Variants in ANK1 observed in about 807,000 individuals in gnomAD.
ANK1 encodes the protein ankyrin-1.
Under a neutral mutation model 210.4 loss-of-function variants are expected in ANK1, and 51 were observed. That is an observed-to-expected ratio of 0.24 (90% confidence interval 0.19 to 0.31). The LOEUF (loss-of-function observed/expected upper bound fraction) is 0.31. Among genes scored for constraint, ANK1 ranks in the 10% least tolerant of loss-of-function variants. The probability of loss-of-function intolerance (pLI) is 1.00; values close to 1 mark genes in which losing one functional copy is unlikely to be tolerated. For synonymous variants in ANK1, 967 were observed against 1,025.9 expected, an observed-to-expected ratio of 0.94 and a Z score of 1.10; for missense variants, 2,051 against 2,504.4, an observed-to-expected ratio of 0.82 and a Z score of 3.86.
chr8:41,820,051 C>A (rs1371368234), intron 1 of ANK1, among the ~76,000 whole-genome samples: 2 of 152,184 alleles, frequency 1.3e-5, no homozygotes, highest in African/African-American at 2.4e-5. Flanking sequence ...AAAACAATGA[C>A]CATCTCTGGG....
chr8:41,712,863 T>G (rs1350393109), intron 16 of ANK1, among the ~76,000 whole-genome samples: 2 of 151,570 alleles, frequency 1.3e-5, no homozygotes, highest in Admixed American at 1.3e-4. Context: ...AGTAGGGGAG[T>G]GAGGAGGAGG....
chr8:41,667,659 C>T lies in ANK1; in HGVS notation c.5394+608G>A, dbSNP rs574528202. On this transcript the variant is annotated intron_variant, in intron 39 of 42. Transcript: ENST00000289734. Reference sequence around the variant, plus strand: ...GGGAAGTGGAAGAAAGGAGGGAGGGCCAGGAGAGGGAGAGGCCTGGGAAAT... The same window carrying T: ...GGGAAGTGGAAGAAAGGAGGGAGGGTCAGGAGAGGGAGAGGCCTGGGAAAT... Among the ~76,000 whole-genome samples, 242 of 152,026 alleles carry T rather than the reference C, an allele frequency of 1.6e-3. 2 individuals are homozygous for T. Among genetic ancestry groups the T allele is most frequent in the African/African-American group, 5.6e-3 (231 of 41,462 alleles).
intron 1 of ANK1, among the ~76,000 whole-genome samples, chr8:41,889,318 C>T (rs532069415): frequency 1.9e-4 from 29 of 152,126 alleles, no homozygotes; most frequent in African/African-American, 2.9e-4. Flanking sequence ...ACCTATTGGG[C>T]GACAGAGTGT....
chr8:41,847,604 T>C (rs1316437990), intron 1 of ANK1, among the ~76,000 whole-genome samples: 1 of 152,194 alleles, frequency 6.6e-6, no homozygotes, highest in Non-Finnish European at 1.5e-5. Context: ...GAAAGATTAC[T>C]CATCTTCATT....
chr8:41,786,549 G>T (rs763694072), intron 1 of ANK1, among the ~76,000 whole-genome samples: 2 of 152,222 alleles, frequency 1.3e-5, no homozygotes, highest in Non-Finnish European at 2.9e-5. Flanking sequence ...GCAAACTAAT[G>T]GAGTCGAGAG....
At chr8:41,699,429 AC>A (rs761832190) in intron 23 of ANK1, 22 bp downstream of exon 23, 1 of 1,608,610 alleles carries the variant, frequency 6.2e-7, no homozygotes, top group African/African-American at 1.3e-5. Context: ...ACCCCCGGGG[AC>A]CCTCCCGGGA....
chr8:41,780,732 A>C (rs1053820847), intron 1 of ANK1, among the ~76,000 whole-genome samples: 2 of 152,180 alleles, frequency 1.3e-5, no homozygotes, highest in Admixed American at 1.3e-4. Flanking sequence ...GCATGCGTGC[A>C]TGTGTATGCA....
intron 1 of ANK1, among the ~76,000 whole-genome samples, chr8:41,862,375 ACCT>A (rs1238187472): frequency 2.0e-5 from 3 of 152,016 alleles, no homozygotes; most frequent in African/African-American, 7.3e-5. Context: ...GGCAGGGAGC[ACCT>A]CCCAGCCCTG....
At chr8:41,723,792 A>AT (rs1201907717) in intron 7 of ANK1, among the ~76,000 whole-genome samples, 159 bp from the exon 8 acceptor site, 5,300 of 139,950 alleles carry the variant, frequency 0.038, 100 homozygotes, top group African/African-American at 0.04. Flanking sequence ...TTTATTTTTT[A>AT]TTTTTTTTTT....
At chr8:41,894,488 C>T (rs1215103434) in intron 1 of ANK1, among the ~76,000 whole-genome samples, 1 of 151,794 alleles carries the variant, frequency 6.6e-6, no homozygotes, top group Admixed American at 6.6e-5. Flanking sequence ...GTGTATTATA[C>T]ATATTTGGAA....
At chr8:41,667,150 A>G (rs1810821517) in intron 39 of ANK1, among the ~76,000 whole-genome samples, 1 of 152,254 alleles carries the variant, frequency 6.6e-6, no homozygotes, top group African/African-American at 2.4e-5. Flanking sequence ...TGAGGAGTGC[A>G]CACAGGCGCT....
intron 42 of ANK1, among the ~76,000 whole-genome samples, chr8:41,656,358 C>T (rs1028643893): frequency 2.6e-5 from 4 of 152,240 alleles, no homozygotes; most frequent in Admixed American, 6.5e-5. Context: ...GCCCACAGCA[C>T]TTCCTGACCG....
chr8:41,784,062 A>C (rs1489929002), intron 1 of ANK1, among the ~76,000 whole-genome samples: 3 of 151,554 alleles, frequency 2.0e-5, no homozygotes. Flanking sequence ...TATCTCAAAA[A>C]AAAAAAAAAA....
Position 41,692,865 on chromosome 8 carries a change from G to A in ANK1, c.3641C>T (p.Ser1214Leu), listed in dbSNP as rs34727075. 92 of 1,613,690 alleles carry A rather than the reference G, an allele frequency of 5.7e-5. No homozygotes were observed. The highest frequency in any genetic ancestry group is 7.6e-5 in the Non-Finnish European group (90 of 1,179,984). The change falls in exon 31 of 43, where the codon TCG (serine) becomes TTG (leucine). Residue 1214 changes from serine (S) to leucine (L), a missense_variant. By Grantham distance (145) the Ser-to-Leu change is moderately radical. Transcript: ENST00000289734. ...TTNVSARFWL[S>L]DCPRTAEAVN... ...AGCCTCAGCAGTCCGAGGACAGTCCGACAGCCAAAACCTAAAAAGTAGGGC... is the reference window on the plus strand; with the variant it reads ...AGCCTCAGCAGTCCGAGGACAGTCCAACAGCCAAAACCTAAAAAGTAGGGC...
At chr8:41,875,426 C>T (rs1224440017) in intron 1 of ANK1, among the ~76,000 whole-genome samples, 1 of 152,192 alleles carries the variant, frequency 6.6e-6, no homozygotes, top group African/African-American at 2.4e-5. Flanking sequence ...AAGTCACCAC[C>T]GGCCTGCCAA....
chr8:41,692,581 A>C, intron 31 of ANK1, 67 bp downstream of exon 31: 1 of 1,479,018 alleles, frequency 6.8e-7, no homozygotes, highest in Non-Finnish European at 9.4e-7. Context: ...TGCACCTGGT[A>C]ATGGTGTTCT....
chr8:41,824,975 C>T (rs1320444790), intron 1 of ANK1, among the ~76,000 whole-genome samples: 1 of 152,204 alleles, frequency 6.6e-6, no homozygotes, highest in Non-Finnish European at 1.5e-5. Context: ...TTCCACTGGT[C>T]TCAAGTGGCT....
At chr8:41,724,039 C>T (rs186750568) in intron 7 of ANK1, among the ~76,000 whole-genome samples, 6,285 of 151,992 alleles carry the variant, frequency 0.041, 169 homozygotes, top group Non-Finnish European at 0.055. Flanking sequence ...CCGCCCGTCT[C>T]GGCCTCCCAA....
chr8:41,879,857 C>T (rs148759786), intron 1 of ANK1, among the ~76,000 whole-genome samples: 263 of 152,350 alleles, frequency 1.7e-3, no homozygotes, highest in African/African-American at 6.1e-3. Flanking sequence ...CTTCTGCCTC[C>T]CTCTCTCAAA....
Sources: gnomAD v4.1 joint callset for allele counts (sites outside exome capture counted in the v4.1 genomes callset) on GRCh38, gnomAD v4.1.1 for gene constraint, MANE v1.5 for transcripts, NCBI Gene and HGNC (gene_info 2026-07-23, HGNC 2026-07-21) for gene names.